PIGZ: variants seen among roughly 807,000 people sequenced by gnomAD.
The protein encoded by PIGZ is phosphatidylinositol glycan anchor biosynthesis class Z (Gwada blood group).
Under a neutral mutation model 16.4 loss-of-function variants are expected in PIGZ, and 16 were observed. The observed-to-expected ratio is 0.97, with a 90% CI of 0.66 to 1.48. The LOEUF is 1.48. Ranked by LOEUF, PIGZ falls within the 40% of genes most tolerant of loss-of-function variation. PIGZ has a pLI of 0.00. For missense variants in PIGZ, 770 were observed against 739.2 expected (o/e 1.04, Z -0.48); for synonymous variants, 409 against 338.4 (o/e 1.21, Z -2.29).
intron 1 of PIGZ, among the ~76,000 whole-genome samples, chr3:196,964,968 C>T (rs895690842): frequency 6.6e-6 from 1 of 152,150 alleles, no homozygotes; most frequent in Non-Finnish European, 1.5e-5. Flanking sequence ...GTCTGTTTGA[C>T]TCCACTGCCC....
intron 1 of PIGZ, among the ~76,000 whole-genome samples, chr3:196,958,724 T>C (rs1034477553): frequency 6.6e-6 from 1 of 152,224 alleles, no homozygotes; most frequent in Admixed American, 6.5e-5. Context: ...TATTTGTTTA[T>C]TCTTATATAT....
At position 196,946,386 on chromosome 3, in the gene PIGZ, T is replaced by A. The variant is rs1347890152; in HGVS notation, c.*771A>T. 1 of 152,270 alleles carries A rather than the reference T, an allele frequency of 6.6e-6. No individual in the cohort carries two copies. Among genetic ancestry groups the A allele is most frequent in the Non-Finnish European group, 1.5e-5 (1 of 68,054 alleles). 9.4% of individuals were successfully genotyped at this position (152,270 alleles called of 1,614,324 possible). Reference sequence around the variant, plus strand: ...TGCTATTATATATTTCAAACATTACTTGTTTGCATAATAACCAAACACTGA... The same window carrying A: ...TGCTATTATATATTTCAAACATTACATGTTTGCATAATAACCAAACACTGA... On this transcript the variant is annotated 3_prime_UTR_variant, in exon 3 of 3. Coordinates refer to ENST00000412723, the MANE Select transcript of PIGZ (RefSeq NM_025163.4).
At chr3:196,961,043 G>A (rs1717701359) in intron 1 of PIGZ, among the ~76,000 whole-genome samples, 1 of 152,208 alleles carries the variant, frequency 6.6e-6, no homozygotes, top group Non-Finnish European at 1.5e-5. Flanking sequence ...CTGCTGCTTT[G>A]ACTGTTTCCT....
intron 1 of PIGZ, among the ~76,000 whole-genome samples, chr3:196,957,907 C>A (rs992614628): frequency 6.6e-6 from 1 of 152,098 alleles, no homozygotes; most frequent in Non-Finnish European, 1.5e-5. Context: ...TACAATAAGA[C>A]ACCCTAGAAG....
Position 196,947,308 on chromosome 3 carries a change from G to A in PIGZ, c.1589C>T (p.Ala530Val). 6.2e-7 allele frequency: 1 copy of A among 1,614,156 alleles called. No individual in the cohort carries two copies. Among genetic ancestry groups the A allele is most frequent in the Middle Eastern group, 1.6e-4 (1 of 6,062 alleles). ...FVVTPGTTRRAVEKCSFPFKN... is the reference protein window; with the variant it reads ...FVVTPGTTRRVVEKCSFPFKN... ...GAAGGGGAAGCTGCACTTCTCCACG[G>A]CACGCCTGGTGGTGCCAGGGGTTAC... Residue 530 changes from alanine to valine, a missense_variant, in exon 3 of 3, where the codon GCC becomes GTC. By Grantham distance (64) the Ala-to-Val change is moderately conservative (BLOSUM62 0). Coordinates refer to ENST00000412723, the MANE Select transcript of PIGZ (RefSeq NM_025163.4).
chr3:196,951,509 TAATA>T, intron 2 of PIGZ: 1 of 403,084 alleles, frequency 2.5e-6, no homozygotes, highest in South Asian at 2.5e-5. Flanking sequence ...AGCCTAACTC[TAATA>T]AAAGTGTTCC....
chr3:196,963,713 G>A (rs117098084), intron 1 of PIGZ, among the ~76,000 whole-genome samples: 1,568 of 152,346 alleles, frequency 0.01, 31 homozygotes, highest in South Asian at 0.063. Context: ...AACAGGTTCT[G>A]TTAGGAAGGA....
rs545965252 is a variant in PIGZ at position 196,946,943 on chromosome 3, C to T, written c.*214G>A. On this transcript the variant is annotated 3_prime_UTR_variant, in exon 3 of 3. Coordinates refer to ENST00000412723, the MANE Select transcript of PIGZ (RefSeq NM_025163.4). ...ACCTGGTCTTTGGGGACCTTGACAT[C>T]AAGACCGACAGGTCAAATCTTTGGT... is the stretch of plus-strand genomic sequence containing the variant. The T allele has an allele frequency of 6.1e-6, 3 of 495,180 alleles. No homozygotes were observed. Among genetic ancestry groups the T allele is most frequent in the East Asian group, 6.4e-5 (2 of 31,192 alleles). The allele number at this position is 495,180 out of a possible 1,614,324, so 30.7% of individuals were successfully genotyped here.
chr3:196,964,172 T>A (rs1268528595), intron 1 of PIGZ, among the ~76,000 whole-genome samples: 1 of 152,128 alleles, frequency 6.6e-6, no homozygotes, highest in African/African-American at 2.4e-5. Flanking sequence ...TACCTCAGCC[T>A]CCCAAGTAGC....
chr3:196,966,396 C>T (rs1425964722), intron 1 of PIGZ, among the ~76,000 whole-genome samples: 1 of 152,248 alleles, frequency 6.6e-6, no homozygotes, highest in Non-Finnish European at 1.5e-5. Context: ...CTTAACTGCC[C>T]TAACCCCCAA....
Position 196,957,626 on chromosome 3 carries a change from G to A in PIGZ, c.1-5595C>T, listed in dbSNP as rs569736590. On this transcript the variant is annotated intron_variant, in intron 1 of 2. Transcript: ENST00000412723. ...CGAACTCCTGACCTCGTGATCCGCC[G>A]GCCTCAGCCTCCCAAAGTGCTGGGA... is the stretch of plus-strand genomic sequence containing the variant. Among the ~76,000 whole-genome samples, 9 of 152,002 alleles carry A rather than the reference G, an allele frequency of 5.9e-5. 1 individual carries two copies. Among genetic ancestry groups the A allele is most frequent in the African/African-American group, 1.2e-4 (5 of 41,460 alleles).
At position 196,948,570 on chromosome 3, in the gene PIGZ, G is replaced by C. The variant is rs1476640730; in HGVS notation, c.327C>G (p.Leu109=). The C allele has an allele frequency of 6.3e-7, 1 of 1,594,594 alleles. No individual in the cohort carries two copies. Residue 109 remains leucine (L), a synonymous_variant, in exon 3 of 3, where the codon CTC becomes CTG. Transcript: ENST00000412723. ...CAGGCCACGGCCCCAGCTCCTCCCA[G>C]AGCCTGAGCAGCCAGAAGGTGGAAC... is the stretch of plus-strand genomic sequence containing the variant. ...ISGSTFWLLR[L]WEELGPWPGL...
intron 2 of PIGZ, among the ~76,000 whole-genome samples, chr3:196,950,477 G>A (rs562351289): frequency 2.0e-5 from 3 of 152,124 alleles, no homozygotes; most frequent in African/African-American, 7.2e-5. Flanking sequence ...TGGCTGTTTC[G>A]AGCTGATCAT....
chr3:196,947,031 G>T lies in PIGZ; in HGVS notation c.*126C>A. 1.3e-6 allele frequency: 1 copy of T among 776,538 alleles called. No homozygotes were observed. The allele number at this position is 776,538 out of a possible 1,614,324, so 48.1% of individuals were successfully genotyped here. On this transcript the variant is annotated 3_prime_UTR_variant, in exon 3 of 3. Transcript: ENST00000412723. ...ACAGCTAACAGCCATGCCCAGGAGA[G>T]GCAGCAGTGGGAGTCATGAAGGAGG...
Position 196,948,538 on chromosome 3 carries a change from A to G in PIGZ, c.359T>C (p.Val120Ala), listed in dbSNP as rs892362786. 5 of 1,609,034 alleles carry G rather than the reference A, an allele frequency of 3.1e-6. No homozygotes were observed. The highest frequency in any genetic ancestry group is 1.1e-5 in the South Asian group (1 of 90,568). ...WEELGPWPGL[V>A]SGYALLVGPR... ...CCCCACCAGCAGCGCATAGCCGCTC[A>G]CCAGGCCAGGCCACGGCCCCAGCTC... Residue 120 changes from valine to alanine, a missense_variant, in exon 3 of 3, where the codon GTG (valine) becomes GCG (alanine). Transcript: ENST00000412723.
Position 196,948,395 on chromosome 3 carries a change from T to C in PIGZ, c.502A>G (p.Thr168Ala), listed in dbSNP as rs1313936234. The C allele has an allele frequency of 6.2e-7, 1 of 1,613,824 alleles. No individual in the cohort carries two copies. The highest frequency in any genetic ancestry group is 1.3e-5 in the African/African-American group (1 of 74,854). Residue 168 changes from threonine to alanine, a missense_variant, in exon 3 of 3, where the codon ACC becomes GCC. Transcript: ENST00000412723. ...ALALLSGSYV[T>A]LVFYTRTFSN... ...AAGGTCCTTGTGTAGAAGACCAGGG[T>C]GACGTAGGAACCAGACAGCAGGGCC... is the stretch of plus-strand genomic sequence containing the variant.
intron 2 of PIGZ, 62 bp from the exon 3 acceptor site, chr3:196,948,747 G>T: frequency 7.9e-7 from 1 of 1,259,692 alleles, no homozygotes; most frequent in East Asian, 2.6e-5. Context: ...CAAAATTCTA[G>T]GAGGGCACCC....
Position 196,947,344 on chromosome 3 carries a change from CGG to C in PIGZ, c.1551_1552del (p.Cys517TrpfsTer24). 1 of 1,614,198 alleles carries C rather than the reference CGG, an allele frequency of 6.2e-7. No individual in the cohort carries two copies. ...GGTGCCAGGGGTTACCACAAAGAGG[CGG>C]CAGAGCCATGGCCCACCAGCCACTT... On this transcript the variant is annotated frameshift_variant, in exon 3 of 3. Coordinates refer to ENST00000412723, the MANE Select transcript of PIGZ (RefSeq NM_025163.4). LOFTEE classifies it high-confidence loss of function.
rs1021915581 is a variant in PIGZ, at chr3:196,947,658, C to T, written c.1239G>A (p.Lys413=). The T allele has an allele frequency of 6.2e-6, 10 of 1,611,132 alleles. No individual in the cohort carries two copies. The highest frequency in any genetic ancestry group is 1.3e-5 in the African/African-American group (1 of 74,896). Reference sequence around the variant, plus strand: ...GGGCGTTGAAGAGGACCACAGTGCCCTTCCAAGGCACAGGCTGCGTCTGTG... The same window carrying T: ...GGGCGTTGAAGAGGACCACAGTGCCTTTCCAAGGCACAGGCTGCGTCTGTG... ...CSPQTQPVPW[K]GTVVLFNALG... Residue 413 remains lysine, a synonymous_variant, in exon 3 of 3, where the codon AAG becomes AAA. Transcript: ENST00000412723.
Sources: allele counts gnomAD v4.1 joint callset (sites outside exome capture counted in the v4.1 genomes callset), GRCh38; gene constraint gnomAD v4.1.1; transcripts MANE v1.5; gene names NCBI Gene and HGNC (gene_info 2026-07-23, HGNC 2026-07-21).